Variants in BLTP1 observed in about 807,000 individuals in gnomAD.
BLTP1 encodes the protein fragile site-associated protein.
the BLTP1 span, chr4:122,246,417 G>A: frequency 0.011 from 11,853 of 1,103,900 alleles, 228 homozygotes; most frequent in African/African-American, 0.077. Flanking sequence ...AAAAAAATAT[G>A]TTTTATTTCT....
At chr4:122,169,246 T>C in the BLTP1 span, among the ~76,000 whole-genome samples, 1 of 152,184 alleles carries the variant, frequency 6.6e-6, no homozygotes, top group African/African-American at 2.4e-5. Context: ...CTTGGCCTCA[T>C]CCAATTTTTA....
chr4:122,200,101 A>G, the BLTP1 span: 3 of 917,492 alleles, frequency 3.3e-6, no homozygotes, highest in Non-Finnish European at 1.3e-6. Context: ...CTTGTCTTAA[A>G]CATTTTACAT....
At chr4:122,281,145 A>G in the BLTP1 span, 1 of 197,636 alleles carries the variant, frequency 5.1e-6, no homozygotes, top group Non-Finnish European at 9.1e-6. Context: ...AATTGTTATT[A>G]TTGTTATTGT....
At chr4:122,359,001 T>C in the BLTP1 span, among the ~76,000 whole-genome samples, 3 of 151,594 alleles carry the variant, frequency 2.0e-5, no homozygotes, top group Non-Finnish European at 4.4e-5. Flanking sequence ...AACTAGCCAT[T>C]AGCATACAAA....
chr4:122,344,572 T>A, the BLTP1 span: 1 of 1,543,446 alleles, frequency 6.5e-7, no homozygotes, highest in East Asian at 2.2e-5. Flanking sequence ...GTACTCAATT[T>A]TATAGTTTTT....
chr4:122,263,108 GA>G, the BLTP1 span: 11 of 1,386,548 alleles, frequency 7.9e-6, no homozygotes, highest in South Asian at 7.6e-5. Flanking sequence ...TTATCTTTGA[GA>G]AAAAATTTTA....
chr4:122,306,177 C>T, the BLTP1 span: 1 of 777,170 alleles, frequency 1.3e-6, no homozygotes, highest in Non-Finnish European at 1.9e-6. Flanking sequence ...TGTGTGTATC[C>T]AAAAAAAAAA....
the BLTP1 span, chr4:122,313,554 A>G: frequency 1.8e-6 from 2 of 1,126,628 alleles, no homozygotes; most frequent in Non-Finnish European, 2.5e-6. Flanking sequence ...TCTTGTGTGA[A>G]AAATTAAAGA....
chr4:122,329,879 A>G, the BLTP1 span, among the ~76,000 whole-genome samples: 1,041 of 151,636 alleles, frequency 6.9e-3, 12 homozygotes, highest in African/African-American at 0.024. Flanking sequence ...GCAACGGCCA[A>G]CCTCCCCCAG....
At chr4:122,352,877 G>T in the BLTP1 span, 1 of 1,611,552 alleles carries the variant, frequency 6.2e-7, no homozygotes, top group Non-Finnish European at 8.5e-7. Flanking sequence ...GGCACTTCAG[G>T]ATATGTGTTT....
chr4:122,251,342 A>G, the BLTP1 span: 1 of 982,090 alleles, frequency 1.0e-6, no homozygotes, highest in African/African-American at 1.7e-5. Context: ...GAGAGGAAAA[A>G]GTTCCAAAGA....
At chr4:122,170,392 A>G in the BLTP1 span, 3 of 980,828 alleles carry the variant, frequency 3.1e-6, no homozygotes, top group Non-Finnish European at 3.6e-6. Context: ...TAGTGCTTAC[A>G]TTTAGAATGG....
the BLTP1 span, among the ~76,000 whole-genome samples, chr4:122,270,011 T>C: frequency 2.6e-5 from 4 of 152,112 alleles, no homozygotes; most frequent in Non-Finnish European, 5.9e-5. Flanking sequence ...AGATTCTTGT[T>C]TTTGCAATTG....
chr4:122,315,153 A>G, the BLTP1 span, among the ~76,000 whole-genome samples: 2 of 152,158 alleles, frequency 1.3e-5, no homozygotes, highest in African/African-American at 4.8e-5. Context: ...ACCTGGACCA[A>G]TTAACCTAAT....
At chr4:122,187,835 G>A in the BLTP1 span, 2 of 1,495,610 alleles carry the variant, frequency 1.3e-6, no homozygotes, top group African/African-American at 1.5e-5. Flanking sequence ...GCTAAAGAAA[G>A]AAATATGGCC....
At chr4:122,271,806 T>C in the BLTP1 span, 24 of 951,032 alleles carry the variant, frequency 2.5e-5, no homozygotes, top group East Asian at 6.3e-4. Context: ...TCATCATGTT[T>C]TCTTAATGTC....
At chr4:122,197,314 GA>G in the BLTP1 span, 1 of 1,272,696 alleles carries the variant, frequency 7.9e-7, no homozygotes, top group Non-Finnish European at 1.1e-6. Context: ...AATAATTAGG[GA>G]AATAATTATA....
At chr4:122,243,958 C>T in the BLTP1 span, 8 of 1,611,758 alleles carry the variant, frequency 5.0e-6, no homozygotes, top group Non-Finnish European at 5.9e-6. Context: ...ACCAGGACAA[C>T]AGCCATAGTT....
the BLTP1 span, among the ~76,000 whole-genome samples, chr4:122,163,160 T>G: frequency 6.6e-6 from 1 of 151,980 alleles, no homozygotes; most frequent in African/African-American, 2.4e-5. Context: ...GGGATAAAGA[T>G]TCAAGGGTAT....
Sources: gnomAD v4.1 joint callset for allele counts (sites outside exome capture counted in the v4.1 genomes callset) on GRCh38, gnomAD v4.1.1 for gene constraint, MANE v1.5 for transcripts, NCBI Gene and HGNC (gene_info 2026-07-23, HGNC 2026-07-21) for gene names.